Variants in CCSER1 observed in about 807,000 individuals in gnomAD.
CCSER1 encodes the protein serine-rich coiled-coil domain-containing protein 1.
In CCSER1, 41 loss-of-function variants were observed where a neutral mutation model predicts 82.0. The observed-to-expected ratio is 0.50, with a 90% CI of 0.39 to 0.65. The LOEUF is 0.65. CCSER1 is among the 30% of genes least tolerant of loss of function. The probability of loss-of-function intolerance (pLI) is 0.00; values close to 1 mark genes in which losing one functional copy is unlikely to be tolerated. For missense variants in CCSER1, 1,119 were observed against 1,064.2 expected, an observed-to-expected ratio of 1.05 and a Z score of -0.72; for synonymous variants, 414 against 383.9, an observed-to-expected ratio of 1.08 and a Z score of -0.92.
At chr4:91,563,561 G>A (rs766421636) in intron 10 of CCSER1, among the ~76,000 whole-genome samples, 2 of 151,598 alleles carry the variant, frequency 1.3e-5, no homozygotes, top group African/African-American at 2.4e-5. Flanking sequence ...CACAATAAAG[G>A]CTATATGAGA....
intron 10 of CCSER1, among the ~76,000 whole-genome samples, chr4:91,567,214 C>T (rs1394487568): frequency 6.6e-6 from 1 of 151,868 alleles, no homozygotes; most frequent in East Asian, 1.9e-4. Flanking sequence ...ATTGTCTTGA[C>T]TTCTATTTTT....
intron 10 of CCSER1, among the ~76,000 whole-genome samples, chr4:91,594,376 TATAC>T (rs1477782869): frequency 2.0e-4 from 28 of 137,000 alleles, no homozygotes; most frequent in African/African-American, 7.3e-4. Flanking sequence ...TACACATATA[TATAC>T]ACACATATAT....
chr4:90,800,225 T>A (rs1438280466), intron 7 of CCSER1, among the ~76,000 whole-genome samples: 1 of 152,146 alleles, frequency 6.6e-6, no homozygotes, highest in Non-Finnish European at 1.5e-5. Flanking sequence ...AGAAAGGAAC[T>A]TTTAATATAA....
intron 10 of CCSER1, among the ~76,000 whole-genome samples, chr4:91,381,323 A>T (rs1368150758): frequency 6.6e-6 from 1 of 152,060 alleles, no homozygotes; most frequent in Non-Finnish European, 1.5e-5. Flanking sequence ...GTTCTCCTGG[A>T]TAATATCCTG....
chr4:91,317,830 G>A (rs1745937024), intron 10 of CCSER1, among the ~76,000 whole-genome samples: 10 of 151,876 alleles, frequency 6.6e-5, no homozygotes, highest in Admixed American at 6.6e-4. Context: ...CAGGCAAGTG[G>A]AACAATTGGG....
At chr4:91,452,569 GC>G (rs1755931151) in intron 10 of CCSER1, among the ~76,000 whole-genome samples, 1 of 152,026 alleles carries the variant, frequency 6.6e-6, no homozygotes, top group African/African-American at 2.4e-5. Context: ...AAATGATACA[GC>G]CAAAGTGATA....
At chr4:90,567,745 T>A (rs1057254423) in intron 5 of CCSER1, among the ~76,000 whole-genome samples, 2 of 151,946 alleles carry the variant, frequency 1.3e-5, no homozygotes, top group Admixed American at 6.6e-5. Context: ...GAGCTGGGAC[T>A]GCAGGCACAC....
intron 5 of CCSER1, among the ~76,000 whole-genome samples, chr4:90,585,061 A>G (rs1038068155): frequency 1.3e-5 from 2 of 152,224 alleles, no homozygotes; most frequent in African/African-American, 4.8e-5. Context: ...TTGAGAATGA[A>G]CAAAGGAATT....
intron 9 of CCSER1, among the ~76,000 whole-genome samples, chr4:90,932,389 A>G (rs1477795327): frequency 6.6e-6 from 1 of 152,182 alleles, no homozygotes. Context: ...ATATAGAGTA[A>G]CTTTCTGAGA....
At chr4:90,880,167 G>A (rs1721080415) in intron 8 of CCSER1, among the ~76,000 whole-genome samples, 1 of 152,104 alleles carries the variant, frequency 6.6e-6, no homozygotes, top group African/African-American at 2.4e-5. Context: ...ATTGAGTGCT[G>A]GCTGTAGAAG....
intron 9 of CCSER1, among the ~76,000 whole-genome samples, chr4:91,078,072 C>G (rs1288694391): frequency 6.6e-6 from 1 of 152,204 alleles, no homozygotes; most frequent in African/African-American, 2.4e-5. Context: ...ATGTCCCTGT[C>G]TGGCGGCTTT....
chr4:90,893,354 T>C (rs1723218319), intron 8 of CCSER1, among the ~76,000 whole-genome samples: 1 of 152,122 alleles, frequency 6.6e-6, no homozygotes, highest in African/African-American at 2.4e-5. Flanking sequence ...GGAAACTGGA[T>C]TTCAGAAGTA....
intron 10 of CCSER1, among the ~76,000 whole-genome samples, chr4:91,371,834 AGGTGATGAGC>A (rs769299897): frequency 4.6e-5 from 7 of 151,904 alleles, no homozygotes; most frequent in Middle Eastern, 3.2e-3. Flanking sequence ...CGTAGGACCT[AGGTGATGAGC>A]TTTCTACCCT....
chr4:90,594,879 C>A (rs1458939465), intron 5 of CCSER1, among the ~76,000 whole-genome samples: 1 of 151,988 alleles, frequency 6.6e-6, no homozygotes, highest in East Asian at 1.9e-4. Flanking sequence ...GTATTAGATG[C>A]TTGGAAAGCA....
chr4:90,823,021 G>A (rs1195104809), intron 8 of CCSER1, among the ~76,000 whole-genome samples: 2 of 151,472 alleles, frequency 1.3e-5, no homozygotes, highest in African/African-American at 2.4e-5. Context: ...ACTTTTCAAT[G>A]CTAGTGAAAT....
At chr4:90,805,809 G>T (rs1019597611) in intron 7 of CCSER1, among the ~76,000 whole-genome samples, 1 of 151,982 alleles carries the variant, frequency 6.6e-6, no homozygotes, top group African/African-American at 2.4e-5. Flanking sequence ...GGTCAAATTG[G>T]TTACATTAGC....
At chr4:90,976,929 A>G (rs1735664764) in intron 9 of CCSER1, among the ~76,000 whole-genome samples, 1 of 151,548 alleles carries the variant, frequency 6.6e-6, no homozygotes, top group Non-Finnish European at 1.5e-5. Context: ...TTCTTTTTAG[A>G]CAAGCATTAT....
rs1726037922 is a variant in CCSER1, at chr4:90,639,244, G to A, written c.1932+11012G>A. ...ATGCTTCTTAATAGCATAATGTGTT[G>A]TATTCATTGAATCAATATCAATCAA... On this transcript the variant is annotated intron_variant, in intron 6 of 10. Coordinates refer to ENST00000509176, the MANE Select transcript of CCSER1 (RefSeq NM_001145065.2). Among the ~76,000 whole-genome samples, 6 of 151,096 alleles carry A rather than the reference G, an allele frequency of 4.0e-5. No individual in the cohort carries two copies. The South Asian group carries it at 1.0e-3, about 26-fold the overall frequency.
chr4:91,063,048 A>G (rs1744089684), intron 9 of CCSER1, among the ~76,000 whole-genome samples: 1 of 152,132 alleles, frequency 6.6e-6, no homozygotes, highest in Non-Finnish European at 1.5e-5. Context: ...TGAAAAATAC[A>G]CTATTTTAAA....
Sources: allele counts gnomAD v4.1 joint callset (sites outside exome capture counted in the v4.1 genomes callset), GRCh38; gene constraint gnomAD v4.1.1; transcripts MANE v1.5; gene names NCBI Gene and HGNC (gene_info 2026-07-23, HGNC 2026-07-21).